Variants in JARID2 observed in about 807,000 individuals in gnomAD.
The protein encoded by JARID2 is jumonji and AT-rich interaction domain containing 2, also known as protein Jumonji.
Under a neutral mutation model 125.6 loss-of-function variants are expected in JARID2, and 21 were observed. The ratio of observed to expected loss-of-function variants is 0.17; its 90% CI spans 0.12 to 0.24. The LOEUF is 0.24. Among genes scored for constraint, JARID2 ranks in the 10% least tolerant of loss-of-function variants. JARID2 has a pLI of 1.00. For synonymous variants in JARID2, 736 were observed against 661.6 expected (o/e 1.11, Z -1.73); for missense variants, 1,303 against 1,639.6 (o/e 0.79, Z 3.55).
At chr6:15,312,212 G>A (rs1351238085) in intron 1 of JARID2, among the ~76,000 whole-genome samples, 1 of 152,002 alleles carries the variant, frequency 6.6e-6, no homozygotes, top group Non-Finnish European at 1.5e-5. Context: ...TTGCCACCAC[G>A]CCTGGCTAAT....
intron 1 of JARID2, among the ~76,000 whole-genome samples, chr6:15,320,838 TTCTCTC>T (rs71535032): frequency 5.7e-4 from 83 of 144,512 alleles, no homozygotes; most frequent in South Asian, 8.7e-4. Context: ...ATATGATTCA[TTCTCTC>T]TCTCTCTCTG....
At chr6:15,430,824 G>C (rs777117335) in intron 3 of JARID2, among the ~76,000 whole-genome samples, 78 of 152,214 alleles carry the variant, frequency 5.1e-4, no homozygotes, top group Non-Finnish European at 1.0e-3. Context: ...ATCCAGACCA[G>C]TCTTGGGGTA....
intron 2 of JARID2, among the ~76,000 whole-genome samples, chr6:15,405,086 G>GA (rs1359745973): frequency 1.3e-5 from 2 of 152,106 alleles, no homozygotes; most frequent in African/African-American, 4.8e-5. Context: ...TCAGCTAAAG[G>GA]AATCTTTGGC....
chr6:15,463,049 C>G (rs1370711749), intron 4 of JARID2, among the ~76,000 whole-genome samples: 1 of 152,148 alleles, frequency 6.6e-6, no homozygotes, highest in Non-Finnish European at 1.5e-5. Flanking sequence ...ATTCCGTACT[C>G]TGATTGCTCT....
chr6:15,281,095 G>A (rs1357591792), intron 1 of JARID2, among the ~76,000 whole-genome samples: 1 of 152,222 alleles, frequency 6.6e-6, no homozygotes, highest in African/African-American at 2.4e-5. Context: ...AGGTTTGCAG[G>A]TATGTTAGAA....
At chr6:15,396,763 C>T (rs1765235437) in intron 2 of JARID2, among the ~76,000 whole-genome samples, 1 of 152,144 alleles carries the variant, frequency 6.6e-6, no homozygotes, top group Admixed American at 6.5e-5. Flanking sequence ...CCATGGCTGA[C>T]TGAAACCTTG....
intron 9 of JARID2, 144 bp downstream of exon 9, chr6:15,504,736 G>A (rs1022149916): frequency 9.8e-6 from 6 of 614,614 alleles, no homozygotes; most frequent in African/African-American, 3.7e-5. Context: ...TGTGTTGAGC[G>A]TGCACCAGGG....
chr6:15,507,229 G>A lies in JARID2; in HGVS notation c.2635G>A (p.Val879Ile). Residue 879 changes from valine to isoleucine, a missense_variant, in exon 10 of 18, where the codon GTA becomes ATA. By Grantham distance (29) the Val-to-Ile change is conservative. Around this residue, in one of 11 missense-constraint regions of JARID2, gnomAD observed 27 missense variants for 108.7 expected, o/e 0.25. Transcript: ENST00000341776. ...CAACACTCACGGCAGTGGATTCCCA[G>A]TAGGAAAATCAGAACCCTTTTCGAG... ...DTNTHGSGFP[V>I]GKSEPFSRHG... is the part of the protein sequence containing the mutation. 6.2e-7 allele frequency: 1 copy of A among 1,613,862 alleles called. No individual in the cohort carries two copies. The highest frequency in any genetic ancestry group is 8.5e-7 in the Non-Finnish European group (1 of 1,179,724).
intron 3 of JARID2, among the ~76,000 whole-genome samples, chr6:15,426,702 A>C (rs918836875): frequency 1.3e-5 from 2 of 152,206 alleles, no homozygotes; most frequent in Non-Finnish European, 2.9e-5. Context: ...TTAGTAAATG[A>C]AAAACAAACC....
chr6:15,275,169 G>A (rs1334292963), intron 1 of JARID2, among the ~76,000 whole-genome samples: 1 of 152,168 alleles, frequency 6.6e-6, no homozygotes, highest in African/African-American at 2.4e-5. Context: ...ATGTTTCTGG[G>A]CTCAGGTTCA....
rs1765985392 is a variant in JARID2, at chr6:15,413,277, T to C, written c.323+2912T>C. The stretch of plus-strand genomic sequence containing the variant: ...ACCCGCCCACCTCGGCCTCCCAAAG[T>C]GTTGGGATTACAGGTATGAGCCACT... On this transcript the variant is annotated intron_variant, in intron 3 of 17. Transcript: ENST00000341776. 2.0e-5 allele frequency among the ~76,000 whole-genome samples: 3 copies of C among 152,206 alleles called. No homozygotes were observed. The South Asian group carries it at 6.2e-4, about 32-fold the overall frequency.
In JARID2 at chr6:15,512,284, G is replaced by C. The variant is rs1210044582; in HGVS notation, c.3029G>C (p.Cys1010Ser). The C allele has an allele frequency of 6.2e-7, 1 of 1,614,194 alleles. No individual in the cohort carries two copies. Among genetic ancestry groups the C allele is most frequent in the Non-Finnish European group, 8.5e-7 (1 of 1,180,042 alleles). Residue 1010 changes from cysteine to serine, a missense_variant, in exon 14 of 18, where the codon TGC becomes TCC. Physicochemically the swap from Cys to Ser is moderately radical, Grantham distance 112 (BLOSUM62 -1). Coordinates refer to ENST00000341776, the MANE Select transcript of JARID2 (RefSeq NM_004973.4). Reference protein sequence around the residue: ...TVQQSGQFVVCFPGSFVSKVC... With the variant: ...TVQQSGQFVVSFPGSFVSKVC... Reference sequence around the variant, plus strand: ...CAGCAGAGTGGCCAGTTTGTCGTCTGCTTCCCGGGATCCTTTGTGTCCAAA... The same window carrying C: ...CAGCAGAGTGGCCAGTTTGTCGTCTCCTTCCCGGGATCCTTTGTGTCCAAA...
chr6:15,401,768 C>G (rs184207106), intron 2 of JARID2, among the ~76,000 whole-genome samples: 3 of 152,290 alleles, frequency 2.0e-5, no homozygotes, highest in Non-Finnish European at 2.9e-5. Flanking sequence ...TGCCTCAAAT[C>G]TTAGCAGATT....
chr6:15,307,755 GTTTAA>G (rs1349730542), intron 1 of JARID2, among the ~76,000 whole-genome samples: 6 of 152,104 alleles, frequency 3.9e-5, no homozygotes, highest in African/African-American at 1.2e-4. Flanking sequence ...TATGTGATTA[GTTTAA>G]TTTAAGATTT....
At chr6:15,270,150 T>C (rs993113109) in intron 1 of JARID2, among the ~76,000 whole-genome samples, 6 of 152,092 alleles carry the variant, frequency 3.9e-5, no homozygotes, top group African/African-American at 1.4e-4. Context: ...CCTTCCGTCT[T>C]TGATGGACTT....
At position 15,496,371 on chromosome 6, in the gene JARID2, C is replaced by A. The variant is rs752327419; in HGVS notation, c.1146C>A (p.Ser382Arg). 1 of 1,614,162 alleles carries A rather than the reference C, an allele frequency of 6.2e-7. No individual in the cohort carries two copies. The highest frequency in any genetic ancestry group is 1.1e-5 in the South Asian group (1 of 91,086). ...NHTISGKTES[S>R]NAKTRKQVLS... The stretch of plus-strand genomic sequence containing the variant: ...CAATCTCAGGGAAAACTGAAAGTAG[C>A]AATGCAAAAACCCGCAAACAGGTGC... Residue 382 changes from serine (S) to arginine (R), a missense_variant, in exon 7 of 18, where the codon AGC becomes AGA. This residue lies in a region of JARID2 where 651 missense variants were observed against 581.6 expected (regional missense o/e 1.12). Coordinates refer to ENST00000341776, the MANE Select transcript of JARID2 (RefSeq NM_004973.4).
chr6:15,282,484 A>T (rs549269362), intron 1 of JARID2, among the ~76,000 whole-genome samples: 3 of 151,246 alleles, frequency 2.0e-5, no homozygotes. Context: ...CATAACTTTT[A>T]TCCACTATTA....
At chr6:15,415,442 GGCTGA>G (rs2127577175) in intron 3 of JARID2, among the ~76,000 whole-genome samples, 1 of 150,586 alleles carries the variant, frequency 6.6e-6, no homozygotes, top group African/African-American at 2.4e-5. Flanking sequence ...CCGGGCGGGG[GGCTGA>G]CACCCCCACC....
chr6:15,468,481 C>T, intron 4 of JARID2, 61 bp from the exon 5 acceptor site: 1 of 1,421,730 alleles, frequency 7.0e-7, no homozygotes, highest in Non-Finnish European at 9.4e-7. Context: ...TTGTGGTGTT[C>T]CTTCTGGAAA....
Sources: allele counts gnomAD v4.1 joint callset (sites outside exome capture counted in the v4.1 genomes callset), GRCh38; gene constraint gnomAD v4.1.1; regional missense constraint gnomAD v4.1.1; transcripts MANE v1.5; gene names NCBI Gene and HGNC (gene_info 2026-07-23, HGNC 2026-07-21).